The following ASTN2 variants were observed in gnomAD, a reference collection of about 807,000 sequenced individuals.
ASTN2 encodes astrotactin 2, also known as astrotactin-2.
A neutral mutation model predicts 139.8 loss-of-function variants in ASTN2; 54 were observed. That is an observed-to-expected ratio of 0.39 (90% CI 0.31 to 0.48). ASTN2 has a LOEUF of 0.48. Ranked by LOEUF, ASTN2 falls within the 20% of genes least tolerant of loss-of-function variation. The pLI, the probability that ASTN2 is intolerant of heterozygous loss-of-function variation, is 0.95. For synonymous variants in ASTN2, 756 were observed against 719.5 expected, an observed-to-expected ratio of 1.05 and a Z score of -0.81; for missense variants, 1,565 against 1,725.1, an observed-to-expected ratio of 0.91 and a Z score of 1.64.
At chr9:116,453,593 CAAAAAAAAA>C (rs386416019) in intron 20 of ASTN2, among the ~76,000 whole-genome samples, 1 of 58,786 alleles carries the variant, frequency 1.7e-5, no homozygotes, top group Non-Finnish European at 2.7e-5. Flanking sequence ...GACTCCGTCT[CAAAAAAAAA>C]AAAAAAAAAA....
chr9:117,323,332 A>G (rs12379713), intron 1 of ASTN2, among the ~76,000 whole-genome samples: 422 of 147,926 alleles, frequency 2.9e-3, no homozygotes, highest in Admixed American at 5.8e-3. Context: ...CAGGCAATCA[A>G]TCAAGACCTA....
intron 3 of ASTN2, 102 bp from the exon 4 acceptor site, chr9:117,141,580 A>G: frequency 9.0e-7 from 1 of 1,114,854 alleles, no homozygotes; most frequent in East Asian, 5.4e-5. Context: ...CAGCCCCTAG[A>G]GCACTAGACC....
intron 13 of ASTN2, among the ~76,000 whole-genome samples, chr9:116,752,502 A>G (rs923446276): frequency 6.6e-6 from 1 of 152,242 alleles, no homozygotes; most frequent in African/African-American, 2.4e-5. Flanking sequence ...AACACCAAAT[A>G]TATGATCCAT....
Position 116,698,960 on chromosome 9 carries a change from A to G in ASTN2, c.2806+26811T>C. 3 of 1,614,158 alleles carry G rather than the reference A, an allele frequency of 1.9e-6. No individual in the cohort carries two copies. Among genetic ancestry groups the G allele is most frequent in the Non-Finnish European group, 2.5e-6 (3 of 1,180,038 alleles). ...TTACCCGCAAAGGCTTTTTGAAGGAAATCCGCCGCAGCCCCAGTGGCATTG... is the reference window on the plus strand; with the variant it reads ...TTACCCGCAAAGGCTTTTTGAAGGAGATCCGCCGCAGCCCCAGTGGCATTG... On this transcript the variant is annotated intron_variant, in intron 16 of 22. Transcript: ENST00000313400. This position sits in a 1 kb window ranked among gnomAD's most constrained non-coding sequence, Gnocchi z 4.4.
rs16933758 is a variant in ASTN2 at position 116,623,271 on chromosome 9, A to G, written c.3073-2828T>C. 0.019 allele frequency among the ~76,000 whole-genome samples: 2,865 copies of G among 152,076 alleles called. 390 individuals are homozygous for G. The South Asian group carries it at 0.29, about 16-fold the overall frequency. On this transcript the variant is annotated intron_variant, in intron 17 of 22. Coordinates refer to ENST00000313400, the MANE Select transcript of ASTN2 (RefSeq NM_001365068.1). ...AAAACAGGAAATCTCTCTGGACTTC[A>G]TAAGTTTCACCATCCAGGCAGTTCT...
At position 117,415,029 on chromosome 9, in the gene ASTN2, C is replaced by G. The variant is rs1831293527; in HGVS notation, c.-91G>C. ...AGGCAGCTGCGGAGACGGCGGACGC[C>G]GAAGCGAACCAGGACGCCCGAGCTA... On this transcript the variant is annotated 5_prime_UTR_variant, in exon 1 of 23. Coordinates refer to ENST00000313400, the MANE Select transcript of ASTN2 (RefSeq NM_001365068.1). 5.5e-6 allele frequency: 1 copy of G among 180,892 alleles called. No individual in the cohort carries two copies. The allele number at this position is 180,892 out of a possible 1,614,324, so 11.2% of individuals were successfully genotyped here.
intron 1 of ASTN2, among the ~76,000 whole-genome samples, chr9:117,307,688 A>T (rs1835037728): frequency 6.6e-6 from 1 of 152,206 alleles, no homozygotes; most frequent in Non-Finnish European, 1.5e-5. Context: ...AGACATATGC[A>T]TATGTGCTCA....
chr9:117,144,372 C>A (rs975076273), intron 3 of ASTN2, among the ~76,000 whole-genome samples: 1 of 152,160 alleles, frequency 6.6e-6, no homozygotes, highest in Non-Finnish European at 1.5e-5. Context: ...TGAGCATGGA[C>A]ATGATGTTTG....
At chr9:116,840,684 T>A (rs866991678) in intron 11 of ASTN2, among the ~76,000 whole-genome samples, 1 of 62,488 alleles carries the variant, frequency 1.6e-5, no homozygotes, top group Non-Finnish European at 3.8e-5. Flanking sequence ...AGGCAGAGGG[T>A]CTCCTCACTT....
At chr9:116,654,562 A>C (rs1858101952) in intron 16 of ASTN2, among the ~76,000 whole-genome samples, 1 of 152,204 alleles carries the variant, frequency 6.6e-6, no homozygotes, top group African/African-American at 2.4e-5. Context: ...GATTTCAAAA[A>C]CTATTGAAAG....
At chr9:116,787,554 A>G (rs1830407061) in intron 13 of ASTN2, among the ~76,000 whole-genome samples, 1 of 152,230 alleles carries the variant, frequency 6.6e-6, no homozygotes, top group South Asian at 2.1e-4. Context: ...TGCAAAGTCA[A>G]GAATAACTCA....
intron 3 of ASTN2, among the ~76,000 whole-genome samples, chr9:117,174,722 AT>A (rs1217118055): frequency 6.6e-6 from 1 of 152,052 alleles, no homozygotes; most frequent in Non-Finnish European, 1.5e-5. Flanking sequence ...CTGAAAGAGT[AT>A]TTAATAAATT....
At chr9:116,646,637 C>A (rs60847503) in intron 17 of ASTN2, among the ~76,000 whole-genome samples, 21,699 of 152,106 alleles carry the variant, frequency 0.14, 1,640 homozygotes, top group Middle Eastern at 0.21. Flanking sequence ...GGCACTCCAT[C>A]CCTTAGGCTG....
At chr9:117,069,457 G>A (rs201706279) in intron 5 of ASTN2, among the ~76,000 whole-genome samples, 5,906 of 49,644 alleles carry the variant, frequency 0.12, 3 homozygotes, top group Middle Eastern at 0.14. Context: ...AATAGGTGTG[G>A]TGTGGTGCTG....
intron 2 of ASTN2, among the ~76,000 whole-genome samples, chr9:117,268,254 C>T (rs974635890): frequency 2.0e-5 from 3 of 152,042 alleles, no homozygotes; most frequent in African/African-American, 4.8e-5. Flanking sequence ...AAACAGTGGT[C>T]GATATCAGGT....
At chr9:117,096,603 G>A (rs759812857) in intron 4 of ASTN2, among the ~76,000 whole-genome samples, 2 of 152,112 alleles carry the variant, frequency 1.3e-5, no homozygotes, top group East Asian at 1.9e-4. Context: ...AGTGCAAGAC[G>A]CTGGAGATAC....
At chr9:116,565,373 CTCTCTCTCTCTCTCCATA>C (rs1853140278) in intron 19 of ASTN2, among the ~76,000 whole-genome samples, 1 of 29,236 alleles carries the variant, frequency 3.4e-5, no homozygotes, top group African/African-American at 1.7e-4. Context: ...CTCTCTCTCT[CTCTCTCTCTCTCTCCATA>C]TATATATATA....
At chr9:116,975,085 A>G in intron 10 of ASTN2, 123 bp downstream of exon 10, 1 of 999,696 alleles carries the variant, frequency 1.0e-6, no homozygotes, top group South Asian at 3.1e-5. Context: ...GGCATATTTG[A>G]CAGTGTTCTT....
At chr9:117,096,797 G>C (rs1828850893) in intron 4 of ASTN2, among the ~76,000 whole-genome samples, 2 of 152,168 alleles carry the variant, frequency 1.3e-5, no homozygotes, top group Non-Finnish European at 2.9e-5. Flanking sequence ...TTATGCAGGA[G>C]CGAAGATTTA....
Sources: allele counts gnomAD v4.1 joint callset (sites outside exome capture counted in the v4.1 genomes callset), GRCh38; gene constraint gnomAD v4.1.1; non-coding constraint Gnocchi (gnomAD v3.1); transcripts MANE v1.5; gene names NCBI Gene and HGNC (gene_info 2026-07-23, HGNC 2026-07-21).